The following DYSF variants were observed in gnomAD, a reference collection of about 807,000 sequenced individuals.
DYSF encodes the protein dystrophy-associated fer-1-like 1.
DYSF carries 212 observed loss-of-function variants against 274.9 expected under a neutral mutation model. The ratio of observed to expected loss-of-function variants is 0.77; its 90% confidence interval spans 0.69 to 0.86. DYSF has a LOEUF of 0.86. DYSF is among the 40% of genes least tolerant of loss of function. DYSF has a pLI of 0.00. For synonymous variants in DYSF, 1,091 were observed against 1,078.7 expected (o/e 1.01, Z -0.22); for missense variants, 2,666 against 2,783.2 (o/e 0.96, Z 0.95).
chr2:71,501,413 T>C (rs150086192), intron 3 of DYSF, among the ~76,000 whole-genome samples: 127 of 152,320 alleles, frequency 8.3e-4, no homozygotes, highest in African/African-American at 2.8e-3. Context: ...TTAAGTTTTA[T>C]TATGATAAAT....
At chr2:71,650,350 G>A (rs562487239) in intron 42 of DYSF, among the ~76,000 whole-genome samples, 2 of 152,184 alleles carry the variant, frequency 1.3e-5, no homozygotes, top group Non-Finnish European at 2.9e-5. Flanking sequence ...GCGTGGTGGC[G>A]TGCACCTGAA....
chr2:71,481,364 G>A (rs1009062774), intron 2 of DYSF, among the ~76,000 whole-genome samples: 5 of 152,206 alleles, frequency 3.3e-5, no homozygotes, highest in African/African-American at 4.8e-5. Context: ...CATGGCTCCC[G>A]GGTGGTCCTT....
chr2:71,578,070 G>C (rs1205141800), intron 30 of DYSF, among the ~76,000 whole-genome samples: 1 of 152,144 alleles, frequency 6.6e-6, no homozygotes, highest in African/African-American at 2.4e-5. Context: ...GATGAATGAC[G>C]ATGCATGTAG....
chr2:71,466,773 GGGT>G lies in DYSF; in HGVS notation c.-68_-66del. On this transcript the variant is annotated 5_prime_UTR_variant, in exon 1 of 56. Transcript: ENST00000410020. ...CCTGGGAGCCGGGCGCTTGCTGGGT[GGGT>G]GCTCGGGCCCGGTGCTCCCGCTCCC... The G allele has an allele frequency of 7.0e-7, 1 of 1,424,026 alleles. No homozygotes were observed. Among genetic ancestry groups the G allele is most frequent in the South Asian group, 1.5e-5 (1 of 68,958 alleles). 88.2% of individuals were successfully genotyped at this position (1,424,026 alleles called of 1,614,324 possible). A position where few individuals can be genotyped will look rare whatever the true frequency, so the allele number is the denominator to read the frequency against.
At position 71,556,033 on chromosome 2, in the gene DYSF, G is replaced by C. The variant is rs755737984; in HGVS notation, c.2178G>C (p.Leu726=). 1 of 1,578,622 alleles carries C rather than the reference G, an allele frequency of 6.3e-7. No homozygotes were observed. Among genetic ancestry groups the C allele is most frequent in the East Asian group, 2.3e-5 (1 of 43,680 alleles). ...AQCSTEDVDS[L]VAQLTDELIA... ...GCTCCACGGAGGACGTGGACTCGCT[G>C]GTGGCTCAGCTGACGGATGAGCTCA... The change falls in exon 22 of 56, where the codon CTG becomes CTC. Residue 726 remains leucine (L), a synonymous_variant. Transcript: ENST00000410020.
At chr2:71,486,574 T>A (rs1483258275) in intron 3 of DYSF, among the ~76,000 whole-genome samples, 1 of 152,128 alleles carries the variant, frequency 6.6e-6, no homozygotes, top group Admixed American at 6.5e-5. Flanking sequence ...ACCAGAGTGG[T>A]CTGCTGGCCC....
rs1377247369 is a variant in DYSF at position 71,610,194 on chromosome 2, TAA to T, written c.3958-1049_3958-1048del. Among the ~76,000 whole-genome samples the T allele has an allele frequency of 2.6e-5, 4 of 152,306 alleles. No homozygotes were observed. In the East Asian group the frequency reaches 5.8e-4, roughly 22 times the overall value. On this transcript the variant is annotated intron_variant, in intron 36 of 55. Transcript: ENST00000410020. ...ATATGACAACTTTCTGACATGGAAG[TAA>T]AGAGTCTTAAGCACATTTTTCTCTA...
intron 8 of DYSF, 99 bp downstream of exon 8, chr2:71,515,850 T>C: frequency 6.5e-7 from 1 of 1,541,784 alleles, no homozygotes; most frequent in South Asian, 1.2e-5. Context: ...TGTTTACGTA[T>C]GGCGCTGACC....
At position 71,553,024 on chromosome 2, in the gene DYSF, G is replaced by A. The variant is rs776487688; in HGVS notation, c.1820G>A (p.Arg607Lys). The change falls in exon 20 of 56, where the codon AGG (arginine) becomes AAG (lysine). Residue 607 changes from arginine to lysine, a missense_variant. Physicochemically the swap from Arg to Lys is conservative, Grantham distance 26. Transcript: ENST00000410020. ...DILRVEKYLR[R>K]RKYSLFAAFY... is the part of the protein sequence containing the mutation. Reference sequence around the variant, plus strand: ...CTCTGCTCTCAGAAGTACCTTAGGAGGCGCAAGTACTCCCTGTTTGCGGCC... The same window carrying A: ...CTCTGCTCTCAGAAGTACCTTAGGAAGCGCAAGTACTCCCTGTTTGCGGCC... 3.1e-6 allele frequency: 5 copies of A among 1,614,142 alleles called. No homozygotes were observed. The Admixed American group carries it at 5.0e-5, about 16-fold the overall frequency.
intron 41 of DYSF, among the ~76,000 whole-genome samples, chr2:71,626,441 T>G (rs2094208717): frequency 1.8e-5 from 2 of 112,474 alleles, no homozygotes; most frequent in African/African-American, 5.8e-5. Context: ...TTATATAATA[T>G]ATTTACATAT....
intron 32 of DYSF, among the ~76,000 whole-genome samples, chr2:71,597,865 A>G (rs2093443797): frequency 6.6e-6 from 1 of 152,148 alleles, no homozygotes; most frequent in South Asian, 2.1e-4. Context: ...TCCCTGGACC[A>G]CTGCAGTGAC....
intron 41 of DYSF, among the ~76,000 whole-genome samples, chr2:71,626,602 T>G (rs1319111782): frequency 2.6e-5 from 4 of 151,912 alleles, no homozygotes; most frequent in African/African-American, 7.2e-5. Context: ...ATTATCTTTT[T>G]TCTGCATTGC....
At chr2:71,603,846 A>G (rs2093599043) in intron 36 of DYSF, among the ~76,000 whole-genome samples, 1 of 152,168 alleles carries the variant, frequency 6.6e-6, no homozygotes, top group Non-Finnish European at 1.5e-5. Flanking sequence ...CCCAGGGATG[A>G]GTTATTAAAA....
At chr2:71,669,047 CT>C in intron 49 of DYSF, 64 bp from the exon 50 acceptor site, 1 of 1,453,694 alleles carries the variant, frequency 6.9e-7, no homozygotes. Flanking sequence ...GGCTTCTTGG[CT>C]TCTTAAGGCC....
At chr2:71,585,988 G>A (rs2093054015) in intron 30 of DYSF, among the ~76,000 whole-genome samples, 1 of 152,084 alleles carries the variant, frequency 6.6e-6, no homozygotes, top group African/African-American at 2.4e-5. Context: ...AGACCTCAGA[G>A]TGTTGCAGCT....
At chr2:71,525,703 C>T (rs974594702) in intron 12 of DYSF, among the ~76,000 whole-genome samples, 3 of 116,972 alleles carry the variant, frequency 2.6e-5, no homozygotes, top group Non-Finnish European at 6.1e-5. Context: ...AGTGTTTTCC[C>T]TGCATGATAG....
At chr2:71,658,807 TGGGTGGG>T (rs2152940803) in intron 43 of DYSF, 64 bp from the exon 44 acceptor site, 1 of 1,588,822 alleles carries the variant, frequency 6.3e-7, no homozygotes, top group East Asian at 2.2e-5. Context: ...AGTTGAGATT[TGGGTGGG>T]GACACAGCCA....
intron 22 of DYSF, among the ~76,000 whole-genome samples, chr2:71,556,992 C>G (rs1406759956): frequency 1.3e-5 from 2 of 152,156 alleles, no homozygotes; most frequent in Non-Finnish European, 2.9e-5. Context: ...GTTTGTGGCT[C>G]AGTTAGGAAG....
intron 4 of DYSF, among the ~76,000 whole-genome samples, chr2:71,510,519 T>C (rs1434085891): frequency 6.6e-6 from 1 of 152,210 alleles, no homozygotes; most frequent in Non-Finnish European, 1.5e-5. Flanking sequence ...GAGCTAGCTC[T>C]TGTCTCCTTC....
Sources: gnomAD v4.1 joint callset for allele counts (sites outside exome capture counted in the v4.1 genomes callset) on GRCh38, gnomAD v4.1.1 for gene constraint, MANE v1.5 for transcripts, NCBI Gene and HGNC (gene_info 2026-07-23, HGNC 2026-07-21) for gene names.